The following LCLAT1 variants were observed in gnomAD, a reference collection of about 807,000 sequenced individuals.
LCLAT1 encodes the protein lysocardiolipin acyltransferase 1, also known as 1-AGP acyltransferase 8.
A neutral mutation model predicts 30.7 loss-of-function variants in LCLAT1; 11 were observed. The observed-to-expected ratio is 0.36, with a 90% confidence interval of 0.23 to 0.59. LCLAT1 has a LOEUF of 0.59. Ranked by LOEUF, LCLAT1 falls within the 20% of genes least tolerant of loss-of-function variation. The pLI is 0.77. For missense variants in LCLAT1, 402 were observed against 458.6 expected (o/e 0.88, Z 1.13); for synonymous variants, 155 against 151.3 (o/e 1.02, Z -0.18).
chr2:30,488,435 G>C (rs535090851), intron 1 of LCLAT1, among the ~76,000 whole-genome samples: 19 of 152,318 alleles, frequency 1.2e-4, no homozygotes, highest in Non-Finnish European at 2.1e-4. Flanking sequence ...TTGAGATTGT[G>C]CTGACTTTGC....
chr2:30,541,861 C>G (rs1251202328), intron 3 of LCLAT1, among the ~76,000 whole-genome samples: 2 of 152,070 alleles, frequency 1.3e-5, no homozygotes, highest in African/African-American at 2.4e-5. Context: ...TTCCAGGTGT[C>G]CCATATCCTT....
intron 5 of LCLAT1, among the ~76,000 whole-genome samples, chr2:30,589,339 G>T (rs1666587580): frequency 1.3e-5 from 2 of 152,118 alleles, no homozygotes; most frequent in South Asian, 4.1e-4. Flanking sequence ...AGGATGTTGT[G>T]TTAGAGTACT....
In LCLAT1 at chr2:30,534,233, G is replaced by C. The variant is rs1366912644; in HGVS notation, c.364+919G>C. ...TAGTTGATTTACTGTGTGTGTGTGT[G>C]TGTGTGTGTGTGTGTGTGTGTGTGT... On this transcript the variant is annotated intron_variant, in intron 3 of 5. Transcript: ENST00000379509. Among the ~76,000 whole-genome samples, 87 of 99,418 alleles carry C rather than the reference G, an allele frequency of 8.8e-4. 1 individual carries two copies. In the East Asian group the frequency reaches 0.017, roughly 19 times the overall value. The allele number at this position is 99,418 out of a possible 152,430, so 65.2% of individuals were successfully genotyped here.
At chr2:30,510,399 T>C (rs1336543319) in intron 1 of LCLAT1, among the ~76,000 whole-genome samples, 1 of 152,208 alleles carries the variant, frequency 6.6e-6, no homozygotes, top group Non-Finnish European at 1.5e-5. Context: ...AAAGTTTTTG[T>C]TCTGTTTTTG....
chr2:30,581,476 T>A (rs1234533248), intron 5 of LCLAT1, among the ~76,000 whole-genome samples: 1 of 152,160 alleles, frequency 6.6e-6, no homozygotes, highest in Admixed American at 6.5e-5. Flanking sequence ...GCAGCCCTAC[T>A]AATAATAGCC....
At chr2:30,473,305 G>GT (rs1682888953) in intron 1 of LCLAT1, among the ~76,000 whole-genome samples, 1 of 152,074 alleles carries the variant, frequency 6.6e-6, no homozygotes, top group Non-Finnish European at 1.5e-5. Flanking sequence ...AGGAGGGCGG[G>GT]TTGTATGCTT....
chr2:30,488,191 A>C (rs1044032523), intron 1 of LCLAT1, among the ~76,000 whole-genome samples: 1 of 152,248 alleles, frequency 6.6e-6, no homozygotes, highest in African/African-American at 2.4e-5. Context: ...AGTAAATCAC[A>C]TGAATTTTTT....
At chr2:30,639,010 G>C (rs555998442) in intron 5 of LCLAT1, among the ~76,000 whole-genome samples, 3 of 152,298 alleles carry the variant, frequency 2.0e-5, no homozygotes, top group African/African-American at 7.2e-5. Context: ...CCCGCAGAGA[G>C]TAATCTTTGC....
intron 1 of LCLAT1, among the ~76,000 whole-genome samples, chr2:30,474,025 A>G (rs1682926906): frequency 6.6e-6 from 1 of 152,260 alleles, no homozygotes; most frequent in Admixed American, 6.5e-5. Flanking sequence ...AATGTGTTAA[A>G]GATAATATAA....
At chr2:30,539,513 G>A (rs1664016907) in intron 3 of LCLAT1, among the ~76,000 whole-genome samples, 1 of 152,066 alleles carries the variant, frequency 6.6e-6, no homozygotes. Flanking sequence ...TATATATACT[G>A]TTTTAACAGG....
chr2:30,454,851 G>A (rs1259491470), intron 1 of LCLAT1, among the ~76,000 whole-genome samples: 1 of 152,190 alleles, frequency 6.6e-6, no homozygotes, highest in African/African-American at 2.4e-5. Flanking sequence ...GAAGGCAGTG[G>A]AGAAGCAGGA....
chr2:30,615,175 G>C (rs529374431), intron 5 of LCLAT1, among the ~76,000 whole-genome samples: 1 of 152,124 alleles, frequency 6.6e-6, no homozygotes, highest in Non-Finnish European at 1.5e-5. Context: ...GGTCAAGATA[G>C]AATGACTGAT....
chr2:30,607,318 G>A (rs1667496819), intron 5 of LCLAT1: 1 of 152,168 alleles, frequency 6.6e-6, no homozygotes, highest in African/African-American at 2.4e-5. Flanking sequence ...TTACAGGCAT[G>A]AGCCACCGCG....
chr2:30,533,418 C>G, intron 3 of LCLAT1, 104 bp downstream of exon 3: 2 of 925,352 alleles, frequency 2.2e-6, no homozygotes, highest in South Asian at 2.8e-5. Context: ...TTTTTCCTCA[C>G]TGGGCCAAAA....
chr2:30,498,719 A>T (rs1390693138), intron 1 of LCLAT1, among the ~76,000 whole-genome samples: 1 of 152,218 alleles, frequency 6.6e-6, no homozygotes, highest in East Asian at 1.9e-4. Context: ...ATATATGGTT[A>T]ACCACCTTAT....
chr2:30,612,954 A>C (rs1003154334), intron 5 of LCLAT1, among the ~76,000 whole-genome samples: 1 of 152,214 alleles, frequency 6.6e-6, no homozygotes, highest in African/African-American at 2.4e-5. Context: ...ATAGTATGTC[A>C]GATGATGGGG....
intron 1 of LCLAT1, among the ~76,000 whole-genome samples, chr2:30,460,310 A>G (rs538792968): frequency 5.3e-5 from 8 of 152,300 alleles, no homozygotes; most frequent in African/African-American, 1.9e-4. Context: ...GATTAAAACT[A>G]AATTCATTCT....
chr2:30,623,004 A>G (rs1402055823), intron 5 of LCLAT1, among the ~76,000 whole-genome samples: 1 of 151,462 alleles, frequency 6.6e-6, no homozygotes, highest in Non-Finnish European at 1.5e-5. Context: ...CTATTAAGCT[A>G]TTCAAGGAGG....
intron 1 of LCLAT1, among the ~76,000 whole-genome samples, chr2:30,516,269 A>G (rs867498745): frequency 3.9e-5 from 6 of 152,062 alleles, no homozygotes; most frequent in Admixed American, 2.6e-4. Context: ...AAATCTTGCA[A>G]CTGCACACTC....
Sources: gnomAD v4.1 joint callset for allele counts (sites outside exome capture counted in the v4.1 genomes callset) on GRCh38, gnomAD v4.1.1 for gene constraint, MANE v1.5 for transcripts, NCBI Gene and HGNC (gene_info 2026-07-23, HGNC 2026-07-21) for gene names.